The following SULT1B1 variants were observed in gnomAD, a reference collection of about 807,000 sequenced individuals.
The protein encoded by SULT1B1 is sulfotransferase 1B1.
SULT1B1 carries 28 observed loss-of-function variants against 34.6 expected under a neutral mutation model. The observed-to-expected ratio is 0.81, with a 90% CI of 0.60 to 1.11. The LOEUF (loss-of-function observed/expected upper bound fraction) is 1.11. Ranked by LOEUF, SULT1B1 falls within the 50% of genes least tolerant of loss-of-function variation. SULT1B1 has a pLI of 0.00. For missense variants in SULT1B1, 374 were observed against 352.2 expected (o/e 1.06, Z -0.50); for synonymous variants, 147 against 110.2 (o/e 1.33, Z -2.09).
intron 4 of SULT1B1, among the ~76,000 whole-genome samples, chr4:69,739,007 G>A (rs34666096): frequency 0.012 from 1,826 of 152,282 alleles, 18 homozygotes; most frequent in Non-Finnish European, 0.018. Context: ...TCCAGATTAG[G>A]CTGATGTAAG....
intron 4 of SULT1B1, among the ~76,000 whole-genome samples, chr4:69,745,422 C>T (rs185202106): frequency 2.6e-5 from 4 of 152,246 alleles, no homozygotes; most frequent in Admixed American, 2.6e-4. Flanking sequence ...ACAGTTACAC[C>T]TTCTTGTTGA....
At chr4:69,731,111 G>C (rs1358973354) in intron 6 of SULT1B1, among the ~76,000 whole-genome samples, 1 of 152,136 alleles carries the variant, frequency 6.6e-6, no homozygotes, top group African/African-American at 2.4e-5. Context: ...AGTAGTCCAG[G>C]GATCGCCAAC....
rs1717755438 is a variant in SULT1B1 at position 69,724,794 on chromosome 4, G to T, written c.*2294C>A. ...GAAAGGATTCCCTATTTAATAAATGGTGCTGGGAAAACTGGCTAGCCATAT... is the reference window on the plus strand; with the variant it reads ...GAAAGGATTCCCTATTTAATAAATGTTGCTGGGAAAACTGGCTAGCCATAT... On this transcript the variant is annotated 3_prime_UTR_variant, in exon 8 of 8. Coordinates refer to ENST00000310613, the MANE Select transcript of SULT1B1 (RefSeq NM_014465.4). 1 of 152,200 alleles carries T rather than the reference G, an allele frequency of 6.6e-6. No individual in the cohort carries two copies. Among genetic ancestry groups the T allele is most frequent in the South Asian group, 2.1e-4 (1 of 4,824 alleles). 9.4% of individuals were successfully genotyped at this position (152,200 alleles called of 1,614,324 possible).
At chr4:69,749,065 C>A (rs115360020) in intron 4 of SULT1B1, among the ~76,000 whole-genome samples, 1 of 151,428 alleles carries the variant, frequency 6.6e-6, no homozygotes, top group Admixed American at 6.6e-5. Flanking sequence ...ATTGATAAAA[C>A]GAAAAACTAG....
intron 4 of SULT1B1, among the ~76,000 whole-genome samples, chr4:69,734,935 C>G (rs1718241873): frequency 6.6e-6 from 1 of 151,720 alleles, no homozygotes; most frequent in Non-Finnish European, 1.5e-5. Flanking sequence ...CCTCCTGCCT[C>G]AGCCTCCGGA....
chr4:69,733,898 A>G (rs1718187634), intron 5 of SULT1B1, among the ~76,000 whole-genome samples: 2 of 152,188 alleles, frequency 1.3e-5, no homozygotes, highest in African/African-American at 4.8e-5. Context: ...CTGATAATGG[A>G]CTTCTAGCAA....
chr4:69,734,071 A>T, intron 5 of SULT1B1, 67 bp downstream of exon 5: 1 of 1,262,904 alleles, frequency 7.9e-7, no homozygotes, highest in Non-Finnish European at 1.1e-6. Context: ...GAAAGTCATA[A>T]AAGTTATTGT....
rs1298709273 is a variant in SULT1B1 at position 69,755,057 on chromosome 4, C to T, written c.148+13G>A. ...TGAGGTCGGACTTGAATTTGTCAGG[C>T]CACAGAACTCACCTGATTTAGGATA... is the stretch of plus-strand genomic sequence containing the variant. On this transcript the variant is annotated intron_variant, in intron 2 of 7. Transcript: ENST00000310613. 1.9e-6 allele frequency: 3 copies of T among 1,602,378 alleles called. No homozygotes were observed. The highest frequency in any genetic ancestry group is 1.3e-5 in the African/African-American group (1 of 74,840).
intron 5 of SULT1B1, 143 bp downstream of exon 5, chr4:69,733,995 A>G: frequency 3.0e-6 from 2 of 675,240 alleles, no homozygotes; most frequent in East Asian, 7.0e-5. Flanking sequence ...TATTAGATGC[A>G]TTAGATTTAG....
Position 69,734,252 on chromosome 4 carries a change from C to G in SULT1B1, c.388G>C (p.Ala130Pro). Residue 130 changes from alanine (A) to proline (P), a missense_variant, in exon 5 of 8, where the codon GCT (alanine) becomes CCT (proline). Coordinates refer to ENST00000310613, the MANE Select transcript of SULT1B1 (RefSeq NM_014465.4). ...WENNCKMIYL[A>P]RNAKDVSVSY... ...ACTGAAACATCCTTGGCATTACGAG[C>G]CAGATAAATCATCTGCAGTGGGGGG... The G allele has an allele frequency of 6.2e-7, 1 of 1,609,920 alleles. No homozygotes were observed. Among genetic ancestry groups the G allele is most frequent in the Non-Finnish European group, 8.5e-7 (1 of 1,178,334 alleles).
chr4:69,757,048 G>T (rs1719219739), intron 1 of SULT1B1, among the ~76,000 whole-genome samples: 1 of 151,666 alleles, frequency 6.6e-6, no homozygotes. Flanking sequence ...CCATCAATTG[G>T]ACACATAAAA....
At chr4:69,739,101 T>TG in intron 4 of SULT1B1, among the ~76,000 whole-genome samples, 1 of 152,286 alleles carries the variant, frequency 6.6e-6, no homozygotes, top group East Asian at 1.9e-4. Flanking sequence ...TCACAGCTGG[T>TG]GTTGAGTGTG....
chr4:69,728,768 C>T (rs1717941030), intron 7 of SULT1B1, among the ~76,000 whole-genome samples: 1 of 151,956 alleles, frequency 6.6e-6, no homozygotes, highest in Non-Finnish European at 1.5e-5. Flanking sequence ...ATATAATTTA[C>T]CATAATCCTC....
At chr4:69,758,748 T>A (rs992290215) in intron 1 of SULT1B1, among the ~76,000 whole-genome samples, 1 of 152,214 alleles carries the variant, frequency 6.6e-6, no homozygotes, top group Non-Finnish European at 1.5e-5. Context: ...TTATATTATA[T>A]ATTTATAGCA....
chr4:69,749,854 G>C (rs756307784), intron 3 of SULT1B1, 36 bp from the exon 4 acceptor site: 3 of 1,515,928 alleles, frequency 2.0e-6, no homozygotes, highest in Non-Finnish European at 2.7e-6. Context: ...AAATATTAGA[G>C]TCTCCAGAAA....
chr4:69,756,852 A>T (rs968754059), intron 1 of SULT1B1, among the ~76,000 whole-genome samples: 69 of 152,190 alleles, frequency 4.5e-4, no homozygotes, highest in Middle Eastern at 6.8e-3. Flanking sequence ...TTTTGGTTCT[A>T]TTCAGGCCTT....
At position 69,726,033 on chromosome 4, in the gene SULT1B1, CATATATATATATATATATAT is replaced by C. The variant is rs756017821; in HGVS notation, c.*1035_*1054del. On this transcript the variant is annotated 3_prime_UTR_variant, in exon 8 of 8. Transcript: ENST00000310613. ...ACTTAAAGTATAATAATAAAATGTA[CATATATATATATATATATAT>C]ATATATATATATATATATATATATA... The C allele has an allele frequency of 0.021, 608 of 29,174 alleles. 22 individuals are homozygous for C. The highest frequency in any genetic ancestry group is 0.2 in the Middle Eastern group (4 of 20). The allele number at this position is 29,174 out of a possible 1,614,324, so 1.8% of individuals were successfully genotyped here. A position where few individuals can be genotyped will look rare whatever the true frequency, so the allele number is the denominator to read the frequency against.
chr4:69,740,237 A>C (rs554608694), intron 4 of SULT1B1, among the ~76,000 whole-genome samples: 1 of 152,330 alleles, frequency 6.6e-6, no homozygotes, highest in South Asian at 2.1e-4. Context: ...CACTGCTATA[A>C]AGAACTGCCT....
rs1257076511 is a variant in SULT1B1, at chr4:69,724,223, C to T, written c.*2865G>A. 2 of 152,138 alleles carry T rather than the reference C, an allele frequency of 1.3e-5. No individual in the cohort carries two copies. The allele number at this position is 152,138 out of a possible 1,614,324, so 9.4% of individuals were successfully genotyped here. Reference sequence around the variant, plus strand: ...TACAAAAATCACAAGCATTCTTATACACCAATAACAGACAGAGAGCCAAAT... The same window carrying T: ...TACAAAAATCACAAGCATTCTTATATACCAATAACAGACAGAGAGCCAAAT... On this transcript the variant is annotated 3_prime_UTR_variant, in exon 8 of 8. Coordinates refer to ENST00000310613, the MANE Select transcript of SULT1B1 (RefSeq NM_014465.4).
Sources: allele counts gnomAD v4.1 joint callset (sites outside exome capture counted in the v4.1 genomes callset), GRCh38; gene constraint gnomAD v4.1.1; transcripts MANE v1.5; gene names NCBI Gene and HGNC (gene_info 2026-07-23, HGNC 2026-07-21).